CCDC171: variants seen among roughly 807,000 people sequenced by gnomAD.
CCDC171 encodes coiled-coil domain-containing protein 171.
CCDC171 carries 177 observed loss-of-function variants against 168.2 expected under a neutral mutation model. That is an observed-to-expected ratio of 1.05 (90% CI 0.93 to 1.19). CCDC171 has a LOEUF of 1.19. Ranked by LOEUF, CCDC171 falls within the 50% of genes most tolerant of loss-of-function variation. CCDC171 has a pLI of 0.00. For synonymous variants in CCDC171, 687 were observed against 540.8 expected (o/e 1.27, Z -3.75); for missense variants, 1,991 against 1,539.0 (o/e 1.29, Z -4.91).
At chr9:15,552,905 G>T (rs527642984), upstream of CCDC171, among the ~76,000 whole-genome samples, 4 of 150,686 alleles carry the variant, frequency 2.7e-5, no homozygotes, top group East Asian at 8.2e-4. Flanking sequence ...TCGTCCCTCA[G>T]CGAAGGCGCG....
intron 3 of CCDC171, among the ~76,000 whole-genome samples, chr9:15,999,260 G>A (rs1265067246): frequency 6.8e-6 from 1 of 146,416 alleles, no homozygotes. Flanking sequence ...AAGAAAGAGA[G>A]AAAGAGAAAG....
intron 25 of CCDC171, among the ~76,000 whole-genome samples, chr9:15,953,003 T>C (rs1829384226): frequency 6.6e-6 from 1 of 152,218 alleles, no homozygotes; most frequent in Non-Finnish European, 1.5e-5. Flanking sequence ...GGTATGGAAA[T>C]GTAACTGATT....
chr9:15,830,098 G>GT (rs1435843782), intron 21 of CCDC171, among the ~76,000 whole-genome samples: 2 of 152,170 alleles, frequency 1.3e-5, no homozygotes, highest in African/African-American at 4.8e-5. Context: ...ACAACAACTG[G>GT]TAGTACCCAT....
At chr9:15,946,239 T>C (rs1828363814) in intron 25 of CCDC171, among the ~76,000 whole-genome samples, 1 of 152,018 alleles carries the variant, frequency 6.6e-6, no homozygotes, top group Non-Finnish European at 1.5e-5. Flanking sequence ...CATTGATCTA[T>C]ATCTCAGTTT....
the CCDC171 span, among the ~76,000 whole-genome samples, chr9:16,091,534 C>T: frequency 6.6e-6 from 1 of 152,260 alleles, no homozygotes; most frequent in African/African-American, 2.4e-5. Flanking sequence ...ACCTGCCAGT[C>T]CCTGGAGCAC....
At chr9:15,604,954 G>A (rs115831801) in intron 6 of CCDC171, among the ~76,000 whole-genome samples, 2 of 152,090 alleles carry the variant, frequency 1.3e-5, no homozygotes, top group African/African-American at 2.4e-5. Context: ...GTCTCACTCT[G>A]TTGCCCATGT....
chr9:15,821,980 A>T (rs2059792779), intron 21 of CCDC171, among the ~76,000 whole-genome samples: 1 of 152,186 alleles, frequency 6.6e-6, no homozygotes, highest in Admixed American at 6.5e-5. Context: ...TATTACCAAA[A>T]CAGAGATATA....
rs539511087 is a variant in CCDC171 at position 15,785,337 on chromosome 9, A to T, written c.3267+643A>T. Reference sequence around the variant, plus strand: ...GTGAGATTATATACGTTGGAATGGAACTAAATCCAGGGAAACAAAAATGAT... The same window carrying T: ...GTGAGATTATATACGTTGGAATGGATCTAAATCCAGGGAAACAAAAATGAT... On this transcript the variant is annotated intron_variant, in intron 21 of 25. Coordinates refer to ENST00000380701, the MANE Select transcript of CCDC171 (RefSeq NM_173550.4). 1.5e-4 allele frequency among the ~76,000 whole-genome samples: 23 copies of T among 152,242 alleles called. No homozygotes were observed. The South Asian group carries it at 4.8e-3, about 32-fold the overall frequency.
At chr9:15,786,318 A>G (rs908677223) in intron 21 of CCDC171, among the ~76,000 whole-genome samples, 1 of 152,110 alleles carries the variant, frequency 6.6e-6, no homozygotes, top group Non-Finnish European at 1.5e-5. Flanking sequence ...AATTTTTTTC[A>G]CTTTTTTACA....
chr9:15,686,522 A>G (rs933552063), intron 10 of CCDC171, among the ~76,000 whole-genome samples: 13 of 152,086 alleles, frequency 8.5e-5, no homozygotes, highest in Admixed American at 7.2e-4. Flanking sequence ...CTAAAAAAAT[A>G]AAAAAATAAA....
chr9:15,718,766 G>A (rs377571425), intron 11 of CCDC171, among the ~76,000 whole-genome samples: 19 of 152,344 alleles, frequency 1.2e-4, no homozygotes, highest in African/African-American at 4.3e-4. Flanking sequence ...TGGGCTTGGG[G>A]TGCCCCCTAA....
chr9:15,978,704 A>G (rs770921647), downstream of CCDC171, among the ~76,000 whole-genome samples: 1 of 152,230 alleles, frequency 6.6e-6, no homozygotes. Context: ...GTTAGAGCAC[A>G]TACATATATA....
chr9:16,068,984 G>A, the CCDC171 span, among the ~76,000 whole-genome samples: 1 of 152,126 alleles, frequency 6.6e-6, no homozygotes, highest in South Asian at 2.1e-4. Flanking sequence ...CTGATTCCTG[G>A]AGGGGGTAGT....
chr9:15,729,574 A>T, intron 15 of CCDC171, 36 bp from the exon 16 acceptor site: 2 of 1,399,130 alleles, frequency 1.4e-6, no homozygotes, highest in Admixed American at 1.9e-5. Context: ...ATAGCTTGTG[A>T]GCATATTTCC....
At chr9:15,845,434 T>C (rs1293572551) in intron 21 of CCDC171, among the ~76,000 whole-genome samples, 1 of 152,056 alleles carries the variant, frequency 6.6e-6, no homozygotes, top group African/African-American at 2.4e-5. Context: ...TTTTAAAACT[T>C]TCAACATTTA....
intron 20 of CCDC171, among the ~76,000 whole-genome samples, chr9:15,782,893 T>TA (rs1447079737): frequency 2.0e-4 from 31 of 152,314 alleles, no homozygotes. Context: ...ACATATTAGA[T>TA]ATACCTTTTA....
intron 7 of CCDC171, among the ~76,000 whole-genome samples, chr9:15,654,296 T>G (rs1047883978): frequency 1.3e-5 from 2 of 152,180 alleles, no homozygotes; most frequent in African/African-American, 4.8e-5. Flanking sequence ...AATAGTTCAT[T>G]GTAAAAGAAT....
chr9:15,618,617 T>G (rs539757240), intron 6 of CCDC171, among the ~76,000 whole-genome samples: 1 of 152,328 alleles, frequency 6.6e-6, no homozygotes, highest in East Asian at 1.9e-4. Flanking sequence ...CGCCCAGTTT[T>G]GTGCTTGAAA....
intron 2 of CCDC171, among the ~76,000 whole-genome samples, chr9:15,571,227 G>A (rs1307830131): frequency 1.3e-5 from 2 of 151,870 alleles, no homozygotes; most frequent in Non-Finnish European, 2.9e-5. Flanking sequence ...GAGAGAGTAG[G>A]GTGCTTTAGT....
Sources: gnomAD v4.1 joint callset for allele counts (sites outside exome capture counted in the v4.1 genomes callset) on GRCh38, gnomAD v4.1.1 for gene constraint, MANE v1.5 for transcripts, NCBI Gene and HGNC (gene_info 2026-07-23, HGNC 2026-07-21) for gene names.